ZNF512: variants seen among roughly 807,000 people sequenced by gnomAD.
ZNF512 encodes the protein zinc finger protein 512.
In ZNF512, 25 loss-of-function variants were observed where a neutral mutation model predicts 77.5. The ratio of observed to expected loss-of-function variants is 0.32; its 90% CI spans 0.23 to 0.45. The LOEUF is 0.45. Among genes scored for constraint, ZNF512 ranks in the 20% least tolerant of loss-of-function variants. ZNF512 has a pLI of 1.00. For synonymous variants in ZNF512, 246 were observed against 239.9 expected, an observed-to-expected ratio of 1.03 and a Z score of -0.24; for missense variants, 483 against 692.6, an observed-to-expected ratio of 0.70 and a Z score of 3.40.
intron 2 of ZNF512, among the ~76,000 whole-genome samples, chr2:27,590,079 A>G (rs926475071): frequency 1.3e-5 from 2 of 152,228 alleles, no homozygotes; most frequent in African/African-American, 4.8e-5. Context: ...AAGGTGGCTA[A>G]TAGTGCAGTT....
intron 13 of ZNF512, among the ~76,000 whole-genome samples, chr2:27,619,311 G>A (rs933080566): frequency 2.6e-5 from 4 of 152,050 alleles, no homozygotes; most frequent in African/African-American, 9.7e-5. Context: ...GCTGAGGCAG[G>A]AGATTTGCTT....
Position 27,616,386 on chromosome 2 carries a change from G to T in ZNF512, c.1296+62G>T, listed in dbSNP as rs917075543. On this transcript the variant is annotated intron_variant, in intron 12 of 13. Coordinates refer to ENST00000355467, the MANE Select transcript of ZNF512 (RefSeq NM_032434.4). ...CTCTAAAATAGTCTGACATGGAAGA[G>T]AATTCAGTTTAGGTGAACAGCTAGT... The T allele has an allele frequency of 2.9e-5, 39 of 1,350,464 alleles. No individual in the cohort carries two copies. In the African/African-American group the frequency reaches 3.6e-4, roughly 12 times the overall value. 83.7% of individuals were successfully genotyped at this position (1,350,464 alleles called of 1,614,324 possible).
chr2:27,600,807 T>G lies in ZNF512; in HGVS notation c.574T>G (p.Cys192Gly). 6.2e-7 allele frequency: 1 copy of G among 1,610,222 alleles called. No individual in the cohort carries two copies. The highest frequency in any genetic ancestry group is 8.5e-7 in the Non-Finnish European group (1 of 1,178,832). Reference protein sequence around the residue: ...IEGLKKHMENCKQEMFTCHHC... With the variant: ...IEGLKKHMENGKQEMFTCHHC... ...GGGTTTAAAGAAACACATGGAAAACTGCAAGCAGGTTAGATATTTTGGCGT... is the reference window on the plus strand; with the variant it reads ...GGGTTTAAAGAAACACATGGAAAACGGCAAGCAGGTTAGATATTTTGGCGT... Residue 192 changes from cysteine (C) to glycine (G), a missense_variant, in exon 6 of 14, where the codon TGC (cysteine) becomes GGC (glycine). Cys to Gly is a radical substitution (Grantham distance 159). Around this residue, in one of 2 missense-constraint regions of ZNF512, gnomAD observed 324 missense variants for 525.0 expected, o/e 0.62. Coordinates refer to ENST00000355467, the MANE Select transcript of ZNF512 (RefSeq NM_032434.4).
rs1266209730 is a variant in ZNF512 at position 27,599,484 on chromosome 2, T to C, written c.278-99T>C. The C allele has an allele frequency of 9.1e-6, 8 of 874,524 alleles. No individual in the cohort carries two copies. The Middle Eastern group carries it at 1.4e-3, about 148-fold the overall frequency. The allele number at this position is 874,524 out of a possible 1,614,324, so 54.2% of individuals were successfully genotyped here. A position where few individuals can be genotyped will look rare whatever the true frequency, so the allele number is the denominator to read the frequency against. On this transcript the variant is annotated intron_variant, in intron 3 of 13. Coordinates refer to ENST00000355467, the MANE Select transcript of ZNF512 (RefSeq NM_032434.4). ...GAGGCCTGTGTTCACTGATGATCTT[T>C]CCTTTTGATGGTCTTGTGAATGATG...
intron 2 of ZNF512, among the ~76,000 whole-genome samples, chr2:27,587,993 A>G (rs1357997655): frequency 6.6e-6 from 1 of 151,752 alleles, no homozygotes; most frequent in Non-Finnish European, 1.5e-5. Flanking sequence ...ATCTGTTCCT[A>G]TTCTTATTGG....
rs1314176911 is a variant in ZNF512, at chr2:27,602,578, A to G, written c.768+17A>G. ...ATGCGTGAGGTAAGGGCCCAAGGAC[A>G]GCAATTCCTTCTGCCTGAATTCTCA... On this transcript the variant is annotated intron_variant, in intron 8 of 13. Transcript: ENST00000355467. 6.3e-7 allele frequency: 1 copy of G among 1,594,032 alleles called. No homozygotes were observed. Among genetic ancestry groups the G allele is most frequent in the Non-Finnish European group, 8.5e-7 (1 of 1,172,376 alleles).
At chr2:27,618,754 G>T (rs966610079) in intron 13 of ZNF512, among the ~76,000 whole-genome samples, 2 of 152,144 alleles carry the variant, frequency 1.3e-5, no homozygotes, top group African/African-American at 4.8e-5. Flanking sequence ...AAGGTCAAGG[G>T]TTTTCTCTTG....
In ZNF512 at chr2:27,600,672, T is replaced by G; in HGVS notation, c.458-19T>G. On this transcript the variant is annotated intron_variant, in intron 5 of 13. Transcript: ENST00000355467. ...GAGAATACTGCAGATTACAAAGTGTTTCTTTCTCTCCTTTGTAGGCAGTTT... is the reference window on the plus strand; with the variant it reads ...GAGAATACTGCAGATTACAAAGTGTGTCTTTCTCTCCTTTGTAGGCAGTTT... 1 of 1,608,170 alleles carries G rather than the reference T, an allele frequency of 6.2e-7. No homozygotes were observed. Among genetic ancestry groups the G allele is most frequent in the Non-Finnish European group, 8.5e-7 (1 of 1,178,164 alleles).
intron 9 of ZNF512, among the ~76,000 whole-genome samples, chr2:27,605,620 C>T (rs1295442048): frequency 1.3e-5 from 2 of 151,814 alleles, no homozygotes; most frequent in South Asian, 2.1e-4. Context: ...GGATTATAGG[C>T]GAGTGCCACC....
At chr2:27,620,671 G>A (rs1268313219) in intron 13 of ZNF512, among the ~76,000 whole-genome samples, 1 of 152,114 alleles carries the variant, frequency 6.6e-6, no homozygotes, top group Non-Finnish European at 1.5e-5. Flanking sequence ...TTCATAATTG[G>A]ATTTCATGTC....
At chr2:27,583,865 T>C in intron 2 of ZNF512, 149 bp downstream of exon 2, 2 of 850,740 alleles carry the variant, frequency 2.4e-6, no homozygotes, top group Non-Finnish European at 3.6e-6. Flanking sequence ...GAAATGTGGC[T>C]AGTGCAACTG....
intron 2 of ZNF512, among the ~76,000 whole-genome samples, chr2:27,584,763 A>T (rs978151739): frequency 2.0e-4 from 30 of 152,314 alleles, no homozygotes; most frequent in Admixed American, 8.5e-4. Flanking sequence ...GAAAGAGTTA[A>T]TGGGATAGTA....
intron 5 of ZNF512, 145 bp downstream of exon 5, chr2:27,600,198 T>TG: frequency 1.1e-6 from 1 of 894,844 alleles, no homozygotes; most frequent in Non-Finnish European, 1.7e-6. Context: ...GACAGACCTT[T>TG]GCTCAAGTTT....
chr2:27,586,045 A>G (rs1671308667), intron 2 of ZNF512, among the ~76,000 whole-genome samples: 1 of 152,204 alleles, frequency 6.6e-6, no homozygotes, highest in Admixed American at 6.5e-5. Flanking sequence ...GTTAATTATG[A>G]TCATATGAAC....
chr2:27,601,799 C>A (rs1313109554), intron 7 of ZNF512, among the ~76,000 whole-genome samples: 1 of 152,264 alleles, frequency 6.6e-6, no homozygotes, highest in African/African-American at 2.4e-5. Context: ...CAGGCATGCA[C>A]CACCACACCT....
chr2:27,590,179 A>G (rs537741238), intron 2 of ZNF512, among the ~76,000 whole-genome samples: 33 of 152,260 alleles, frequency 2.2e-4, no homozygotes, highest in Non-Finnish European at 1.3e-4. Context: ...AGATTGTGGA[A>G]TTGTCTATTT....
intron 4 of ZNF512, 26 bp from the exon 5 acceptor site, chr2:27,599,944 G>C: frequency 6.2e-7 from 1 of 1,613,346 alleles, no homozygotes; most frequent in Non-Finnish European, 8.5e-7. Context: ...TGACATGCTG[G>C]GCTTCAAGTT....
intron 2 of ZNF512, among the ~76,000 whole-genome samples, chr2:27,592,893 C>T (rs1376934342): frequency 1.5e-4 from 22 of 150,746 alleles, no homozygotes; most frequent in Admixed American, 1.4e-3. Context: ...CCATGTTGGT[C>T]AAGCTGGTCG....
chr2:27,617,334 A>C (rs1404772656), intron 12 of ZNF512, 139 bp from the exon 13 acceptor site: 1 of 610,726 alleles, frequency 1.6e-6, no homozygotes, highest in Admixed American at 2.8e-5. Flanking sequence ...TCCTAAATCT[A>C]TTACTATATT....
Sources: allele counts gnomAD v4.1 joint callset (sites outside exome capture counted in the v4.1 genomes callset), GRCh38; gene constraint gnomAD v4.1.1; regional missense constraint gnomAD v4.1.1; transcripts MANE v1.5; gene names NCBI Gene and HGNC (gene_info 2026-07-23, HGNC 2026-07-21).